The following TRIM4 variants were observed in gnomAD, a reference collection of about 807,000 sequenced individuals.
TRIM4 encodes the protein tripartite motif containing 4.
A neutral mutation model predicts 33.7 loss-of-function variants in TRIM4; 29 were observed. The observed-to-expected ratio is 0.86, with a 90% CI of 0.64 to 1.17. The LOEUF is 1.17. Among genes scored for constraint, TRIM4 ranks in the 50% most tolerant of loss-of-function variants. TRIM4 has a pLI of 0.00. For synonymous variants in TRIM4, 224 were observed against 233.0 expected, an observed-to-expected ratio of 0.96 and a Z score of 0.35; for missense variants, 554 against 593.7, an observed-to-expected ratio of 0.93 and a Z score of 0.69.
intron 5 of TRIM4, among the ~76,000 whole-genome samples, chr7:99,898,005 CTA>C (rs769355334): frequency 5.3e-5 from 8 of 152,374 alleles, no homozygotes; most frequent in African/African-American, 1.7e-4. Context: ...ACACAACAGA[CTA>C]TTGGGTCTGC....
intron 1 of TRIM4, among the ~76,000 whole-genome samples, chr7:99,910,721 A>G (rs1819421173): frequency 6.6e-6 from 1 of 152,220 alleles, no homozygotes; most frequent in Admixed American, 6.5e-5. Context: ...TTTTTGCTTT[A>G]ATTTCTACAA....
At position 99,903,958 on chromosome 7, in the gene TRIM4, T is replaced by C. The variant is rs976590019; in HGVS notation, c.721-360A>G. 2.6e-5 allele frequency among the ~76,000 whole-genome samples: 4 copies of C among 152,214 alleles called. No homozygotes were observed. The South Asian group carries it at 8.3e-4, about 32-fold the overall frequency. Reference sequence around the variant, plus strand: ...GCTTCCACTCTTCTCCTTCCTGTTGTTTTACAAGATTGCTTTTAAATTATA... The same window carrying C: ...GCTTCCACTCTTCTCCTTCCTGTTGCTTTACAAGATTGCTTTTAAATTATA... On this transcript the variant is annotated intron_variant, in intron 3 of 5. Transcript: ENST00000349062.
intron 3 of TRIM4, among the ~76,000 whole-genome samples, chr7:99,904,277 C>A (rs910343637): frequency 6.6e-6 from 1 of 152,122 alleles, no homozygotes; most frequent in Admixed American, 6.5e-5. Flanking sequence ...CTCCAAAAAC[C>A]TGTAACTCAG....
At chr7:99,917,821 G>A in intron 1 of TRIM4, 2 of 985,290 alleles carry the variant, frequency 2.0e-6, no homozygotes, top group Non-Finnish European at 2.4e-6. Flanking sequence ...TCAGTAATGG[G>A]AGGGGGTGGG....
intron 5 of TRIM4, among the ~76,000 whole-genome samples, chr7:99,896,100 ATTT>A (rs558830056): frequency 4.6e-5 from 7 of 151,974 alleles, no homozygotes; most frequent in Admixed American, 2.6e-4. Flanking sequence ...TTTCTGCCTT[ATTT>A]TTTATTAATC....
chr7:99,919,032 C>T lies in TRIM4; in HGVS notation c.370G>A (p.Asp124Asn), dbSNP rs1819626407. ...ACCCGGTAGCTCTCGAAGGCCTCGTCGATGGGTGCCATGGCGTGAGTCTGG... is the reference window on the plus strand; with the variant it reads ...ACCCGGTAGCTCTCGAAGGCCTCGTTGATGGGTGCCATGGCGTGAGTCTGG... Reference protein sequence around the residue: ...EHQTHAMAPIDEAFESYREKL... With the variant: ...EHQTHAMAPINEAFESYREKL... Residue 124 changes from aspartate to asparagine, a missense_variant, in exon 1 of 6, where the codon GAC (aspartate) becomes AAC (asparagine). Transcript: ENST00000349062. The T allele has an allele frequency of 1.3e-6, 2 of 1,588,506 alleles. No individual in the cohort carries two copies. Among genetic ancestry groups the T allele is most frequent in the Non-Finnish European group, 1.7e-6 (2 of 1,169,510 alleles).
chr7:99,908,600 G>T lies in TRIM4; in HGVS notation c.702C>A (p.Pro234=). 1.2e-6 allele frequency: 2 copies of T among 1,612,652 alleles called. No homozygotes were observed. Among genetic ancestry groups the T allele is most frequent in the Non-Finnish European group, 1.7e-6 (2 of 1,179,104 alleles). Residue 234 remains proline (P), a synonymous_variant, in exon 3 of 6, where the codon CCC becomes CCA. Transcript: ENST00000349062. ...ILEVGEKSQA[P]TLELLQNPKE... Reference sequence around the variant, plus strand: ...GTCTCACCTGAAGCAGCTCCAGGGTGGGAGCCTGGCTCTTCTCCCCCACCT... The same window carrying T: ...GTCTCACCTGAAGCAGCTCCAGGGTTGGAGCCTGGCTCTTCTCCCCCACCT...
chr7:99,897,616 A>T (rs1819048980), intron 5 of TRIM4, among the ~76,000 whole-genome samples: 1 of 152,196 alleles, frequency 6.6e-6, no homozygotes, highest in African/African-American at 2.4e-5. Context: ...CTTGCACTCC[A>T]TGGGGGAAAG....
chr7:99,916,059 AGT>A (rs2151653751), intron 1 of TRIM4, among the ~76,000 whole-genome samples: 1 of 152,360 alleles, frequency 6.6e-6, no homozygotes, highest in South Asian at 2.1e-4. Context: ...AAAGAATTAC[AGT>A]ATGAAAAATG....
At chr7:99,893,965 TCC>T (rs1332934502) in intron 5 of TRIM4, among the ~76,000 whole-genome samples, 6 of 148,524 alleles carry the variant, frequency 4.0e-5, no homozygotes, top group African/African-American at 7.4e-5. Context: ...CACATGGTTT[TCC>T]TTTTTTTTTT....
rs764956366 is a variant in TRIM4 at position 99,908,738 on chromosome 7, C to T, written c.564G>A (p.Glu188=). The T allele has an allele frequency of 1.9e-6, 3 of 1,614,046 alleles. No homozygotes were observed. The highest frequency in any genetic ancestry group is 1.6e-4 in the Middle Eastern group (1 of 6,084). The change falls in exon 3 of 6, where the codon GAG becomes GAA. Residue 188 remains glutamate, a synonymous_variant. Transcript: ENST00000349062. ...SKLHNFLVEE[E]DLFLQRLNKE... ...TGTTCAATCTCTGAAGAAACAGGTC[C>T]TCTTCTTCAACCAGGAAGTTGTGCA...
At chr7:99,896,111 ATC>A (rs1819011107) in intron 5 of TRIM4, among the ~76,000 whole-genome samples, 1 of 152,016 alleles carries the variant, frequency 6.6e-6, no homozygotes, top group Non-Finnish European at 1.5e-5. Context: ...TTTTTTATTA[ATC>A]TTTTTTTATA....
Position 99,891,758 on chromosome 7 carries a change from G to A in TRIM4, c.*405C>T, listed in dbSNP as rs561565599. The A allele has an allele frequency of 1.2e-3, 205 of 173,338 alleles. No individual in the cohort carries two copies. Among genetic ancestry groups the A allele is most frequent in the African/African-American group, 4.6e-3 (194 of 42,006 alleles). 10.7% of individuals were successfully genotyped at this position (173,338 alleles called of 1,614,324 possible). A position where few individuals can be genotyped will look rare whatever the true frequency, so the allele number is the denominator to read the frequency against. Reference sequence around the variant, plus strand: ...TAAAATTGTCTTATACAATAAGGGCGTAATTATCTCATATAACAAGAAGCT... The same window carrying A: ...TAAAATTGTCTTATACAATAAGGGCATAATTATCTCATATAACAAGAAGCT... On this transcript the variant is annotated 3_prime_UTR_variant, in exon 6 of 6. Coordinates refer to ENST00000349062, the MANE Select transcript of TRIM4 (RefSeq NM_033091.3).
In TRIM4 at chr7:99,900,812, T is replaced by C. The variant is rs565351244; in HGVS notation, c.841+2406A>G. ...TTCCAATGAGAAGTGTAATGTCAAC[T>C]TCGTCTTTGTTCCACTGCAAGTAAC... On this transcript the variant is annotated intron_variant, in intron 5 of 5. Coordinates refer to ENST00000349062, the MANE Select transcript of TRIM4 (RefSeq NM_033091.3). Among the ~76,000 whole-genome samples the C allele has an allele frequency of 2.0e-5, 3 of 152,350 alleles. No individual in the cohort carries two copies. In the East Asian group the frequency reaches 5.8e-4, roughly 29 times the overall value.
chr7:99,896,694 A>G (rs980211415), intron 5 of TRIM4, among the ~76,000 whole-genome samples: 1 of 152,224 alleles, frequency 6.6e-6, no homozygotes, highest in African/African-American at 2.4e-5. Context: ...GGATCAGGGG[A>G]GAATCCACGG....
At chr7:99,896,475 A>C (rs913387886) in intron 5 of TRIM4, among the ~76,000 whole-genome samples, 1 of 152,240 alleles carries the variant, frequency 6.6e-6, no homozygotes, top group Non-Finnish European at 1.5e-5. Flanking sequence ...TGCTTTTTAC[A>C]AACAGTAGCA....
intron 5 of TRIM4, among the ~76,000 whole-genome samples, chr7:99,902,944 C>T (rs765139914): frequency 6.6e-6 from 1 of 152,096 alleles, no homozygotes; most frequent in Non-Finnish European, 1.5e-5. Context: ...ACACTGGCTC[C>T]TACTATATCA....
intron 1 of TRIM4, among the ~76,000 whole-genome samples, chr7:99,911,173 T>TG (rs1337665345): frequency 6.6e-6 from 1 of 152,182 alleles, no homozygotes; most frequent in African/African-American, 2.4e-5. Flanking sequence ...AAAGCACAGG[T>TG]GGCAGTTGGA....
chr7:99,892,042 T>C lies in TRIM4; in HGVS notation c.*121A>G, dbSNP rs1818902208. Reference sequence around the variant, plus strand: ...AAAGGGCAGATACCAAACGGTACCGTTAGGGAGACCCAGAAGATGGACCAT... The same window carrying C: ...AAAGGGCAGATACCAAACGGTACCGCTAGGGAGACCCAGAAGATGGACCAT... On this transcript the variant is annotated 3_prime_UTR_variant, in exon 6 of 6. Coordinates refer to ENST00000349062, the MANE Select transcript of TRIM4 (RefSeq NM_033091.3). The C allele has an allele frequency of 3.3e-6, 3 of 902,084 alleles. No individual in the cohort carries two copies. Among genetic ancestry groups the C allele is most frequent in the Non-Finnish European group, 4.9e-6 (3 of 610,618 alleles). The allele number at this position is 902,084 out of a possible 1,614,324, so 55.9% of individuals were successfully genotyped here. A position where few individuals can be genotyped will look rare whatever the true frequency, so the allele number is the denominator to read the frequency against.
Sources: gnomAD v4.1 joint callset for allele counts (sites outside exome capture counted in the v4.1 genomes callset) on GRCh38, gnomAD v4.1.1 for gene constraint, MANE v1.5 for transcripts, NCBI Gene and HGNC (gene_info 2026-07-23, HGNC 2026-07-21) for gene names.